The following ZFYVE26 variants were observed in gnomAD, a reference collection of about 807,000 sequenced individuals.
The protein encoded by ZFYVE26 is zinc finger FYVE domain-containing protein 26.
Under a neutral mutation model 276.5 loss-of-function variants are expected in ZFYVE26, and 181 were observed. That is an observed-to-expected ratio of 0.65 (90% confidence interval 0.58 to 0.74). The LOEUF is 0.74. Among genes scored for constraint, ZFYVE26 ranks in the 30% least tolerant of loss-of-function variants. The pLI, the probability that ZFYVE26 is intolerant of heterozygous loss-of-function variation, is 0.00. For synonymous variants in ZFYVE26, 1,129 were observed against 1,203.1 expected (o/e 0.94, Z 1.27); for missense variants, 2,821 against 3,097.9 (o/e 0.91, Z 2.12).
chr14:67,797,886 TG>T, intron 11 of ZFYVE26, 127 bp downstream of exon 11: 1 of 1,582,122 alleles, frequency 6.3e-7, no homozygotes, highest in Non-Finnish European at 8.6e-7. Flanking sequence ...GTTCTGACAC[TG>T]GTTGCCATGG....
At chr14:67,795,879 A>C (rs954735864) in intron 12 of ZFYVE26, among the ~76,000 whole-genome samples, 2 of 152,232 alleles carry the variant, frequency 1.3e-5, no homozygotes, top group African/African-American at 4.8e-5. Context: ...GACATTAGGC[A>C]GTTTACAGAA....
intron 14 of ZFYVE26, among the ~76,000 whole-genome samples, chr14:67,791,707 A>G (rs1344342819): frequency 6.6e-6 from 1 of 151,426 alleles, no homozygotes; most frequent in African/African-American, 2.4e-5. Flanking sequence ...AGTGGAGGAC[A>G]TTTAGGGGTA....
intron 26 of ZFYVE26, among the ~76,000 whole-genome samples, 184 bp downstream of exon 26, chr14:67,775,676 G>A (rs2039322594): frequency 6.6e-6 from 1 of 152,078 alleles, no homozygotes; most frequent in Non-Finnish European, 1.5e-5. Context: ...TTTAATTCTG[G>A]TCATTATTCT....
At chr14:67,803,766 G>T (rs2040123821) in intron 9 of ZFYVE26, among the ~76,000 whole-genome samples, 1 of 152,166 alleles carries the variant, frequency 6.6e-6, no homozygotes, top group Admixed American at 6.5e-5. Context: ...CTAAGAATTT[G>T]CATAAACACT....
Position 67,775,127 on chromosome 14 carries a change from A to C in ZFYVE26, c.5222-13T>G, listed in dbSNP as rs1319592132. On this transcript the variant is annotated splice_polypyrimidine_tract_variant and intron_variant, in intron 26 of 41. Transcript: ENST00000347230. ...TGAATCACAGAATCTGTAGAGAGGG[A>C]AAATGCTGACAAAATATGGTTCTAC... 1 of 1,574,752 alleles carries C rather than the reference A, an allele frequency of 6.4e-7. No homozygotes were observed.
Position 67,769,655 on chromosome 14 carries a change from C to T in ZFYVE26, c.5560G>A (p.Glu1854Lys), listed in dbSNP as rs1423312030. ...CGAGCAGGGTTCTCTCTGCAGCCTT[C>T]AACCACCATTTTCTTAGTGGAGCAG... Reference protein sequence around the residue: ...SSCSTKKMVVEGCRENPARVC... With the variant: ...SSCSTKKMVVKGCRENPARVC... Residue 1854 changes from glutamate (E) to lysine (K), a missense_variant, in exon 29 of 42, where the codon GAA becomes AAA. Physicochemically the swap from Glu to Lys is moderately conservative, Grantham distance 56. Transcript: ENST00000347230. The T allele has an allele frequency of 3.1e-6, 5 of 1,614,058 alleles. No individual in the cohort carries two copies. Among genetic ancestry groups the T allele is most frequent in the Non-Finnish European group, 4.2e-6 (5 of 1,179,958 alleles).
intron 35 of ZFYVE26, among the ~76,000 whole-genome samples, chr14:67,758,682 C>T (rs939708563): frequency 6.6e-6 from 1 of 152,170 alleles, no homozygotes. Flanking sequence ...GTCGCCCAGG[C>T]TGGAGTGCAG....
exon 14 of ZFYVE26, chr14:67,729,286 T>C: frequency 6.2e-7 from 1 of 1,604,262 alleles, no homozygotes; most frequent in Non-Finnish European, 8.5e-7. Flanking sequence ...GCGGCTCTTC[T>C]CCCCCTTTGT....
At chr14:67,776,311 C>T (rs2039342263) in intron 25 of ZFYVE26, among the ~76,000 whole-genome samples, 1 of 152,168 alleles carries the variant, frequency 6.6e-6, no homozygotes, top group South Asian at 2.1e-4. Context: ...AGTACCTTCA[C>T]CAGATGAGGG....
At chr14:67,805,126 AT>A in intron 8 of ZFYVE26, 90 bp downstream of exon 8, 1 of 1,267,262 alleles carries the variant, frequency 7.9e-7, no homozygotes, top group Non-Finnish European at 1.1e-6. Context: ...CAAAACATTT[AT>A]GTGGAAAACG....
chr14:67,777,679 G>A lies in ZFYVE26; in HGVS notation c.4854C>T (p.Leu1618=), dbSNP rs151287975. The stretch of plus-strand genomic sequence containing the variant: ...AAGTGGCCAAGCTAGTGTGCTGGTC[G>A]AGGGATTGCTCTGTCACTTCAAGGC... ...TMCLEVTEQS[L]DQHTSLATSH... The change falls in exon 25 of 42, where the codon CTC becomes CTT. Residue 1618 remains leucine (L), a synonymous_variant. Coordinates refer to ENST00000347230, the MANE Select transcript of ZFYVE26 (RefSeq NM_015346.4). 5,371 of 1,614,158 alleles carry A rather than the reference G, an allele frequency of 3.3e-3. 10 individuals are homozygous for A. The highest frequency in any genetic ancestry group is 4.0e-3 in the Non-Finnish European group (4,734 of 1,180,032).
intron 35 of ZFYVE26, 30 bp downstream of exon 35, chr14:67,761,336 C>G: frequency 1.3e-6 from 2 of 1,595,708 alleles, no homozygotes; most frequent in South Asian, 2.2e-5. Flanking sequence ...AAGGCAGGCA[C>G]TGCCTTTTTG....
intron 28 of ZFYVE26, chr14:67,770,284 C>T (rs59280177): frequency 0.035 from 5,728 of 165,618 alleles, 343 homozygotes; most frequent in African/African-American, 0.12. Context: ...GCCAACATGG[C>T]GAAACCCCAT....
At chr14:67,799,678 T>G (rs1250738982) in intron 10 of ZFYVE26, 9 of 1,153,102 alleles carry the variant, frequency 7.8e-6, no homozygotes, top group Middle Eastern at 5.7e-4. Context: ...CTGGCAAGAT[T>G]TGAAGGCAAA....
Position 67,813,993 on chromosome 14 carries a change from C to T in ZFYVE26, c.266G>A (p.Arg89Gln), listed in dbSNP as rs138664542. 97 of 1,613,234 alleles carry T rather than the reference C, an allele frequency of 6.0e-5. No individual in the cohort carries two copies. The highest frequency in any genetic ancestry group is 7.7e-5 in the South Asian group (7 of 91,012). ...TAATATAAACCTACTTACCTTTTCCCGGGCCAACCATTTCTCCAGTACAAG... is the reference window on the plus strand; with the variant it reads ...TAATATAAACCTACTTACCTTTTCCTGGGCCAACCATTTCTCCAGTACAAG... ...WLLVLEKWLA[R>Q]EKKLLPVVFR... Residue 89 changes from arginine to glutamine, a missense_variant, in exon 3 of 42, where the codon CGG becomes CAG. Coordinates refer to ENST00000347230, the MANE Select transcript of ZFYVE26 (RefSeq NM_015346.4).
At chr14:67,750,907 C>T (rs2038620011) in intron 41 of ZFYVE26, 145 bp downstream of exon 41, 2 of 1,055,290 alleles carry the variant, frequency 1.9e-6, no homozygotes, top group African/African-American at 3.1e-5. Flanking sequence ...CACCCCTATC[C>T]AAGCCTCAGC....
At chr14:67,769,753 G>A in intron 28 of ZFYVE26, 23 bp from the exon 29 acceptor site, 1 of 1,613,906 alleles carries the variant, frequency 6.2e-7, no homozygotes. Flanking sequence ...ATCAGGAGGA[G>A]AAGAAAGAGG....
intron 37 of ZFYVE26, among the ~76,000 whole-genome samples, chr14:67,754,421 C>T (rs545522837): frequency 5.9e-5 from 9 of 152,180 alleles, no homozygotes; most frequent in Non-Finnish European, 1.2e-4. Context: ...TATTATGGTG[C>T]ACTGTGGAAC....
At chr14:67,770,897 T>C (rs1389143601) in intron 28 of ZFYVE26, among the ~76,000 whole-genome samples, 1 of 152,188 alleles carries the variant, frequency 6.6e-6, no homozygotes, top group Non-Finnish European at 1.5e-5. Flanking sequence ...CACAACCAAT[T>C]GTCCTCCTTG....
Sources: allele counts gnomAD v4.1 joint callset (sites outside exome capture counted in the v4.1 genomes callset), GRCh38; gene constraint gnomAD v4.1.1; transcripts MANE v1.5; gene names NCBI Gene and HGNC (gene_info 2026-07-23, HGNC 2026-07-21).